Variants in SKIC8 observed in about 807,000 individuals in gnomAD.
SKIC8 encodes SKI8 subunit of superkiller complex, also known as superkiller complex protein 8.
chr15:78,289,119 A>T, the SKIC8 span, among the ~76,000 whole-genome samples: 3 of 152,250 alleles, frequency 2.0e-5, no homozygotes, highest in Non-Finnish European at 4.4e-5. Flanking sequence ...GTCTAGGTTA[A>T]ATCTATAGTG....
the SKIC8 span, chr15:78,294,859 A>G: frequency 6.5e-7 from 1 of 1,527,948 alleles, no homozygotes; most frequent in Non-Finnish European, 9.0e-7. Context: ...TGAAAACTGC[A>G]TGTCTGGTCA....
the SKIC8 span, chr15:78,284,198 T>G: frequency 1.2e-4 from 18 of 152,316 alleles, no homozygotes; most frequent in African/African-American, 4.3e-4. Context: ...GATTTTAGTG[T>G]TGGGATTGGG....
chr15:78,283,376 A>T, the SKIC8 span: 13 of 1,405,430 alleles, frequency 9.2e-6, no homozygotes, highest in Non-Finnish European at 1.2e-5. Context: ...AAGGTAAGGA[A>T]TGTCATGATC....
the SKIC8 span, chr15:78,285,122 G>T: frequency 2.7e-6 from 2 of 729,812 alleles, no homozygotes; most frequent in South Asian, 3.5e-5. Context: ...CTACATGGAT[G>T]ACTGAGCAGA....
chr15:78,295,637 A>G, the SKIC8 span: 1 of 1,610,442 alleles, frequency 6.2e-7, no homozygotes, highest in Non-Finnish European at 8.5e-7. Flanking sequence ...CTTGGCAAAG[A>G]GACCAATTGA....
chr15:78,292,768 A>G, the SKIC8 span: 2 of 1,613,926 alleles, frequency 1.2e-6, no homozygotes, highest in East Asian at 4.5e-5. Flanking sequence ...ACTCCACTGT[A>G]GGTCCAGCCT....
At chr15:78,288,316 T>A in the SKIC8 span, 1 of 1,613,934 alleles carries the variant, frequency 6.2e-7, no homozygotes. Flanking sequence ...GTAGCCATCA[T>A]CTGAAGCAGT....
At chr15:78,297,824 C>T in the SKIC8 span, among the ~76,000 whole-genome samples, 1 of 152,178 alleles carries the variant, frequency 6.6e-6, no homozygotes, top group Non-Finnish European at 1.5e-5. Context: ...ATCTGCCAGC[C>T]TAAAAAGCTG....
the SKIC8 span, chr15:78,289,572 T>G: frequency 7.2e-7 from 1 of 1,381,512 alleles, no homozygotes; most frequent in Admixed American, 1.7e-5. Flanking sequence ...AATTCTTCCT[T>G]TGTGATTTGA....
the SKIC8 span, chr15:78,289,962 T>C: frequency 5.0e-6 from 8 of 1,613,792 alleles, no homozygotes; most frequent in Non-Finnish European, 5.9e-6. Flanking sequence ...TATGCAATAC[T>C]AAGAATGAAT....
the SKIC8 span, chr15:78,286,196 G>T: frequency 7.1e-7 from 1 of 1,410,494 alleles, no homozygotes; most frequent in Non-Finnish European, 9.9e-7. Flanking sequence ...TCACTGAAGT[G>T]GAAAGTATAT....
chr15:78,285,938 G>C, the SKIC8 span: 1 of 941,650 alleles, frequency 1.1e-6, no homozygotes, highest in Non-Finnish European at 1.5e-6. Context: ...AAGGCTAACT[G>C]AATAAAAAAG....
At chr15:78,299,437 G>C in the SKIC8 span, 2 of 152,918 alleles carry the variant, frequency 1.3e-5, no homozygotes, top group Non-Finnish European at 2.9e-5. Context: ...CCCAGGGCCT[G>C]GAGCATCCCT....
chr15:78,293,285 G>A, the SKIC8 span: 3 of 1,612,192 alleles, frequency 1.9e-6, no homozygotes, highest in Non-Finnish European at 1.7e-6. Context: ...AGAATGGAAA[G>A]TGCTTCATTT....
the SKIC8 span, chr15:78,288,142 G>C: frequency 2.8e-6 from 2 of 710,930 alleles, no homozygotes; most frequent in African/African-American, 3.6e-5. Context: ...AATGGGCGCT[G>C]AACGGGGGAG....
the SKIC8 span, among the ~76,000 whole-genome samples, chr15:78,296,654 T>C: frequency 6.6e-6 from 1 of 152,010 alleles, no homozygotes; most frequent in Non-Finnish European, 1.5e-5. Flanking sequence ...TACAGGTGCG[T>C]GCCAACATGT....
the SKIC8 span, among the ~76,000 whole-genome samples, chr15:78,297,542 A>G: frequency 6.6e-6 from 1 of 152,368 alleles, no homozygotes; most frequent in South Asian, 2.1e-4. Flanking sequence ...CAAATTTAAT[A>G]ACTACCATAA....
chr15:78,285,952 C>G, the SKIC8 span: 1 of 1,113,068 alleles, frequency 9.0e-7, no homozygotes, highest in East Asian at 2.6e-5. Flanking sequence ...AAAAAAGGGT[C>G]AAACATCTTT....
chr15:78,292,005 A>G, the SKIC8 span: 4 of 152,518 alleles, frequency 2.6e-5, no homozygotes, highest in Middle Eastern at 3.4e-3. Context: ...ATCTCAGATG[A>G]TGTTTACTGA....
Sources: allele counts gnomAD v4.1 joint callset (sites outside exome capture counted in the v4.1 genomes callset), GRCh38; gene constraint gnomAD v4.1.1; transcripts MANE v1.5; gene names NCBI Gene and HGNC (gene_info 2026-07-23, HGNC 2026-07-21).